The following PACRG variants were observed in gnomAD, a reference collection of about 807,000 sequenced individuals.
The protein encoded by PACRG is parkin coregulated, also known as parkin coregulated gene protein.
PACRG carries 29 observed loss-of-function variants against 29.7 expected under a neutral mutation model. That is an observed-to-expected ratio of 0.98 (90% CI 0.73 to 1.33). The LOEUF (loss-of-function observed/expected upper bound fraction) is 1.33, where lower values mean the gene tolerates loss of function less well. Ranked by LOEUF, PACRG falls within the 40% of genes most tolerant of loss-of-function variation. PACRG has a pLI of 0.00. For missense variants in PACRG, 279 were observed against 316.2 expected (o/e 0.88, Z 0.89); for synonymous variants, 116 against 118.7 (o/e 0.98, Z 0.15).
At chr6:162,872,502 T>C (rs1173323664) in intron 2 of PACRG, among the ~76,000 whole-genome samples, 1 of 152,188 alleles carries the variant, frequency 6.6e-6, no homozygotes, top group African/African-American at 2.4e-5. Context: ...CTATAAGAAA[T>C]TGCTCATTTC....
At chr6:162,955,190 C>G (rs977094236) in intron 2 of PACRG, among the ~76,000 whole-genome samples, 1 of 152,140 alleles carries the variant, frequency 6.6e-6, no homozygotes, top group Non-Finnish European at 1.5e-5. Flanking sequence ...AAGGGGAGAG[C>G]GGGCTGACCA....
At chr6:163,062,900 C>T (rs1038476228) in intron 3 of PACRG, among the ~76,000 whole-genome samples, 1 of 152,120 alleles carries the variant, frequency 6.6e-6, no homozygotes, top group Admixed American at 6.6e-5. Context: ...ATTGCACGGC[C>T]CCTTGGACTG....
intron 4 of PACRG, among the ~76,000 whole-genome samples, chr6:163,106,152 T>G (rs1227122583): frequency 1.3e-5 from 2 of 152,116 alleles, no homozygotes; most frequent in South Asian, 2.1e-4. Context: ...TGCAGAGAGA[T>G]AAAGTAATTT....
chr6:162,981,398 A>C (rs1015485646), intron 2 of PACRG, among the ~76,000 whole-genome samples: 11 of 151,676 alleles, frequency 7.3e-5, no homozygotes, highest in Non-Finnish European at 1.5e-4. Context: ...ATATACACAC[A>C]CACGCACACA....
chr6:163,040,748 C>A (rs1013619907), intron 2 of PACRG, among the ~76,000 whole-genome samples: 1 of 152,196 alleles, frequency 6.6e-6, no homozygotes, highest in Admixed American at 6.5e-5. Context: ...TGGCTAATTT[C>A]TCCTATTTGG....
At chr6:163,116,331 G>C (rs965640217) in intron 4 of PACRG, among the ~76,000 whole-genome samples, 7 of 152,156 alleles carry the variant, frequency 4.6e-5, no homozygotes, top group Non-Finnish European at 1.0e-4. Context: ...ACTATCGTGA[G>C]GACAGTACTG....
intron 4 of PACRG, among the ~76,000 whole-genome samples, chr6:163,114,237 T>G (rs1369785400): frequency 6.6e-6 from 1 of 152,162 alleles, no homozygotes; most frequent in Non-Finnish European, 1.5e-5. Context: ...GTGAGAGAAC[T>G]GAGACTCTGT....
chr6:162,859,351 G>T (rs962766663), intron 2 of PACRG, among the ~76,000 whole-genome samples: 2 of 152,106 alleles, frequency 1.3e-5, no homozygotes, highest in Non-Finnish European at 2.9e-5. Flanking sequence ...AACTATCTGA[G>T]GAGCTTTGTT....
intron 2 of PACRG, among the ~76,000 whole-genome samples, chr6:162,965,452 G>C (rs1800948317): frequency 1.3e-5 from 2 of 152,136 alleles, no homozygotes; most frequent in African/African-American, 4.8e-5. Flanking sequence ...ACTGCTTTCT[G>C]GTTCAAGATG....
chr6:163,143,625 T>C (rs1777645063), intron 4 of PACRG, among the ~76,000 whole-genome samples: 1 of 152,220 alleles, frequency 6.6e-6, no homozygotes, highest in Non-Finnish European at 1.5e-5. Context: ...TGTGTACATA[T>C]ACAGTTGTTA....
At chr6:163,006,705 G>A (rs555891048) in intron 2 of PACRG, among the ~76,000 whole-genome samples, 23 of 151,622 alleles carry the variant, frequency 1.5e-4, no homozygotes, top group Admixed American at 4.6e-4. Flanking sequence ...TTTTTTATTC[G>A]TGGTAAATTT....
At chr6:162,739,387 C>T (rs1298005968) in intron 1 of PACRG, among the ~76,000 whole-genome samples, 6 of 152,102 alleles carry the variant, frequency 3.9e-5, no homozygotes, top group Admixed American at 2.6e-4. Flanking sequence ...ACTTAACATA[C>T]TCTAGATATG....
intron 4 of PACRG, among the ~76,000 whole-genome samples, chr6:163,308,463 C>T (rs532721049): frequency 3.3e-5 from 5 of 152,220 alleles, no homozygotes; most frequent in African/African-American, 4.8e-5. Context: ...GCCAGGAGTT[C>T]GAGACCAGCC....
chr6:162,815,653 T>G (rs766507302), intron 2 of PACRG, among the ~76,000 whole-genome samples: 11 of 151,994 alleles, frequency 7.2e-5, no homozygotes, highest in Non-Finnish European at 4.4e-5. Flanking sequence ...GTACGTATGA[T>G]GAGAAAAAAT....
chr6:163,090,714 T>A (rs1202736466), intron 4 of PACRG, among the ~76,000 whole-genome samples: 2 of 152,112 alleles, frequency 1.3e-5, no homozygotes, highest in Non-Finnish European at 2.9e-5. Context: ...TCAACTAAGG[T>A]CGATAAAAGA....
intron 2 of PACRG, among the ~76,000 whole-genome samples, chr6:162,943,412 T>G (rs1798770031): frequency 6.6e-6 from 1 of 152,150 alleles, no homozygotes. Context: ...ATAAGTGCCC[T>G]GAGGACAAGG....
At chr6:162,994,203 T>A (rs1198661678) in intron 2 of PACRG, among the ~76,000 whole-genome samples, 1 of 134,416 alleles carries the variant, frequency 7.4e-6, no homozygotes, top group Non-Finnish European at 1.5e-5. Flanking sequence ...CTTTGGTGAA[T>A]CTGACAATTA....
intron 2 of PACRG, among the ~76,000 whole-genome samples, chr6:162,884,233 C>T (rs1289140538): frequency 6.6e-6 from 1 of 152,136 alleles, no homozygotes; most frequent in Non-Finnish European, 1.5e-5. Context: ...AGCCATTGCA[C>T]CCTGCACTTT....
chr6:163,209,250 TA>T (rs1421653504), intron 4 of PACRG, among the ~76,000 whole-genome samples: 1 of 152,198 alleles, frequency 6.6e-6, no homozygotes, highest in African/African-American at 2.4e-5. Context: ...GTAGCCTTAA[TA>T]AAGAATAGTC....
Sources: allele counts gnomAD v4.1 joint callset (sites outside exome capture counted in the v4.1 genomes callset), GRCh38; gene constraint gnomAD v4.1.1; transcripts MANE v1.5; gene names NCBI Gene and HGNC (gene_info 2026-07-23, HGNC 2026-07-21).